CAST: variants seen among roughly 807,000 people sequenced by gnomAD.
CAST encodes calpastatin, also known as MIR583 host.
A neutral mutation model predicts 119.6 loss-of-function variants in CAST; 76 were observed. The ratio of observed to expected loss-of-function variants is 0.64; its 90% CI spans 0.53 to 0.77. The LOEUF is 0.77. Among genes scored for constraint, CAST ranks in the 30% least tolerant of loss-of-function variants. The pLI is 0.00. For synonymous variants in CAST, 319 were observed against 331.6 expected, an observed-to-expected ratio of 0.96 and a Z score of 0.41; for missense variants, 953 against 946.5, an observed-to-expected ratio of 1.01 and a Z score of -0.09.
chr5:96,555,960 C>T (rs1332375088), intron 1 of CAST, among the ~76,000 whole-genome samples: 1 of 152,240 alleles, frequency 6.6e-6, no homozygotes, highest in African/African-American at 2.4e-5. Context: ...AGGCACCCCC[C>T]AGTAGGGGCA....
chr5:95,961,900 C>G, the CAST span: 1 of 758,972 alleles, frequency 1.3e-6, no homozygotes, highest in African/African-American at 1.9e-5. Flanking sequence ...GCCCCACCCT[C>G]CGGCCCCGCG....
chr5:96,207,607 T>C, the CAST span, among the ~76,000 whole-genome samples: 1 of 152,120 alleles, frequency 6.6e-6, no homozygotes, highest in East Asian at 1.9e-4. Context: ...TCACATTAGT[T>C]TGTGTATGTT....
intron 1 of CAST, among the ~76,000 whole-genome samples, chr5:96,579,587 C>G (rs939579407): frequency 2.0e-5 from 3 of 152,112 alleles, no homozygotes; most frequent in African/African-American, 7.2e-5. Flanking sequence ...TCTAGGTTGC[C>G]TTCTTGTGGC....
At chr5:96,198,096 T>C in the CAST span, among the ~76,000 whole-genome samples, 3 of 152,170 alleles carry the variant, frequency 2.0e-5, no homozygotes, top group South Asian at 6.2e-4. Context: ...TTCCCTTCTC[T>C]AGGCGATGCT....
chr5:96,309,231 T>C, the CAST span, among the ~76,000 whole-genome samples: 1 of 152,268 alleles, frequency 6.6e-6, no homozygotes, highest in South Asian at 2.1e-4. Context: ...TTCGAACTTC[T>C]TGGCGGCTTT....
At chr5:96,452,640 TA>T in the CAST span, among the ~76,000 whole-genome samples, 852 of 90,070 alleles carry the variant, frequency 9.5e-3, 4 homozygotes, top group South Asian at 0.022. Context: ...TAAAGTATAA[TA>T]AAAAAAAAAA....
the CAST span, among the ~76,000 whole-genome samples, chr5:96,311,712 T>C: frequency 6.6e-6 from 1 of 152,068 alleles, no homozygotes; most frequent in Non-Finnish European, 1.5e-5. Context: ...CTGACATAAG[T>C]ATTGATATTC....
chr5:96,032,365 T>G, the CAST span, among the ~76,000 whole-genome samples: 1 of 152,036 alleles, frequency 6.6e-6, no homozygotes, highest in Non-Finnish European at 1.5e-5. Flanking sequence ...TAAAAAAAAG[T>G]TGGACTTGGA....
chr5:95,967,662 C>T, the CAST span, among the ~76,000 whole-genome samples: 10 of 152,166 alleles, frequency 6.6e-5, 1 homozygote, highest in African/African-American at 1.2e-4. Flanking sequence ...TGGCACTGCT[C>T]GTTGCTGTCG....
chr5:96,738,836 G>A (rs146961343), intron 11 of CAST, among the ~76,000 whole-genome samples: 3,908 of 151,658 alleles, frequency 0.026, 163 homozygotes, highest in African/African-American at 0.088. Context: ...TCAGGAGGCT[G>A]AGGCAGGAGA....
chr5:96,504,291 T>C, the CAST span, among the ~76,000 whole-genome samples: 6 of 152,138 alleles, frequency 3.9e-5, no homozygotes, highest in Non-Finnish European at 7.3e-5. Context: ...AGCACAGATA[T>C]TGTCTCTTTT....
the CAST span, among the ~76,000 whole-genome samples, chr5:96,409,079 A>G: frequency 9.3e-4 from 142 of 152,342 alleles, no homozygotes; most frequent in Middle Eastern, 3.4e-3. Context: ...GTAGTTTTAC[A>G]TAATTTTCTT....
At chr5:96,170,292 G>A in the CAST span, among the ~76,000 whole-genome samples, 781 of 152,266 alleles carry the variant, frequency 5.1e-3, 6 homozygotes, top group Non-Finnish European at 6.4e-3. Context: ...GAGGAATCCC[G>A]GGCTGCCGGC....
chr5:96,412,381 A>G, the CAST span: 8 of 1,613,454 alleles, frequency 5.0e-6, no homozygotes, highest in Middle Eastern at 1.6e-4. Context: ...CAGTTTTCCC[A>G]TCATCATTAG....
chr5:96,393,918 C>T, the CAST span, among the ~76,000 whole-genome samples: 2 of 152,118 alleles, frequency 1.3e-5, no homozygotes, highest in Non-Finnish European at 2.9e-5. Flanking sequence ...TCAGAGAAGC[C>T]AACCTTGGCC....
At chr5:96,007,251 C>T in the CAST span, among the ~76,000 whole-genome samples, 4 of 152,266 alleles carry the variant, frequency 2.6e-5, no homozygotes, top group South Asian at 6.2e-4. Context: ...AGCAGGAAAT[C>T]TTGGAGGTGG....
At chr5:95,974,862 A>C in the CAST span, among the ~76,000 whole-genome samples, 3 of 152,254 alleles carry the variant, frequency 2.0e-5, no homozygotes, top group Admixed American at 6.5e-5. Flanking sequence ...AATATTGATA[A>C]GGGAAAGTTG....
chr5:96,395,514 C>A, the CAST span, among the ~76,000 whole-genome samples: 18 of 152,242 alleles, frequency 1.2e-4, no homozygotes, highest in African/African-American at 4.3e-4. Context: ...AAGCTGGAAA[C>A]CATCATTCTC....
chr5:96,074,286 G>A, the CAST span, among the ~76,000 whole-genome samples: 50 of 152,320 alleles, frequency 3.3e-4, no homozygotes, highest in African/African-American at 1.1e-3. Flanking sequence ...AAATACGTAT[G>A]TTGAAGCTCT....
Sources: gnomAD v4.1 joint callset for allele counts (sites outside exome capture counted in the v4.1 genomes callset) on GRCh38, gnomAD v4.1.1 for gene constraint, MANE v1.5 for transcripts, NCBI Gene and HGNC (gene_info 2026-07-23, HGNC 2026-07-21) for gene names.